BCHE: variants seen among roughly 807,000 people sequenced by gnomAD.
The protein encoded by BCHE is butyrylcholinesterase.
Under a neutral mutation model 51.3 loss-of-function variants are expected in BCHE, and 48 were observed. That is an observed-to-expected ratio of 0.94 (90% CI 0.74 to 1.19). The LOEUF (loss-of-function observed/expected upper bound fraction) is 1.19. BCHE is among the 50% of genes most tolerant of loss of function. The probability of loss-of-function intolerance (pLI) is 0.00; values close to 1 mark genes in which losing one functional copy is unlikely to be tolerated. For synonymous variants in BCHE, 251 were observed against 238.0 expected (o/e 1.05, Z -0.50); for missense variants, 847 against 708.2 (o/e 1.20, Z -2.23).
At chr3:165,798,442 T>C (rs1020114622) in intron 2 of BCHE, among the ~76,000 whole-genome samples, 14 of 152,174 alleles carry the variant, frequency 9.2e-5, no homozygotes, top group Admixed American at 8.5e-4. Flanking sequence ...GACACTGAAC[T>C]GAGCACTTCT....
At chr3:165,792,687 A>G (rs1276972846) in intron 2 of BCHE, among the ~76,000 whole-genome samples, 2 of 152,226 alleles carry the variant, frequency 1.3e-5, no homozygotes, top group African/African-American at 4.8e-5. Context: ...GATTACTAAG[A>G]TAAAATAGAT....
intron 2 of BCHE, among the ~76,000 whole-genome samples, chr3:165,800,900 T>C (rs574608152): frequency 6.0e-4 from 91 of 152,300 alleles, no homozygotes; most frequent in African/African-American, 2.0e-3. Context: ...AATTGATTAA[T>C]AGATATTAAT....
chr3:165,813,055 T>C (rs1434903341), intron 2 of BCHE, among the ~76,000 whole-genome samples: 1 of 82,122 alleles, frequency 1.2e-5, no homozygotes, highest in Non-Finnish European at 3.4e-5. Flanking sequence ...GAGAGTCCTT[T>C]TTTTTCCTAT....
chr3:165,813,887 A>T (rs994148584), intron 2 of BCHE, among the ~76,000 whole-genome samples: 23 of 152,090 alleles, frequency 1.5e-4, no homozygotes, highest in South Asian at 6.2e-4. Context: ...GTAGAGATTT[A>T]AAAAAAGTCT....
intron 1 of BCHE, among the ~76,000 whole-genome samples, chr3:165,831,785 A>G (rs1176246621): frequency 6.6e-6 from 1 of 152,208 alleles, no homozygotes; most frequent in Non-Finnish European, 1.5e-5. Context: ...TAATTTCTCC[A>G]AAATTTAATA....
chr3:165,781,594 G>A (rs543154713), intron 3 of BCHE, among the ~76,000 whole-genome samples: 3 of 149,786 alleles, frequency 2.0e-5, no homozygotes, highest in East Asian at 2.0e-4. Flanking sequence ...CCAGTCGGGG[G>A]TGGAGGGTGA....
At chr3:165,796,801 C>G (rs1240616315) in intron 2 of BCHE, among the ~76,000 whole-genome samples, 4 of 152,116 alleles carry the variant, frequency 2.6e-5, no homozygotes, top group Non-Finnish European at 4.4e-5. Flanking sequence ...GTGCACAGTT[C>G]TCTTTTAGTA....
chr3:165,786,144 C>A lies in BCHE; in HGVS notation c.1684+1G>T, dbSNP rs1057516496. 2 of 1,611,028 alleles carry A rather than the reference C, an allele frequency of 1.2e-6. No individual in the cohort carries two copies. Among genetic ancestry groups the A allele is most frequent in the Non-Finnish European group, 1.7e-6 (2 of 1,177,796 alleles). On this transcript the variant is annotated splice_donor_variant, in intron 3 of 3. Transcript: ENST00000264381. LOFTEE classifies it high-confidence loss of function. Reference sequence around the variant, plus strand: ...TAACCAAACACTAAAAACAGACACACCTGTCATTTCCAAGACTTTTGGAAA... The same window carrying A: ...TAACCAAACACTAAAAACAGACACAACTGTCATTTCCAAGACTTTTGGAAA...
At chr3:165,818,161 T>A (rs1023518449) in intron 2 of BCHE, among the ~76,000 whole-genome samples, 3 of 151,984 alleles carry the variant, frequency 2.0e-5, no homozygotes, top group Non-Finnish European at 4.4e-5. Context: ...ATTGTTATGA[T>A]CAAATTTATT....
intron 2 of BCHE, among the ~76,000 whole-genome samples, chr3:165,807,772 C>G (rs988006069): frequency 2.0e-5 from 3 of 151,946 alleles, no homozygotes; most frequent in Non-Finnish European, 4.4e-5. Flanking sequence ...CTATGTTGGC[C>G]AAGCTGGTGT....
At chr3:165,795,219 G>T (rs189171515) in intron 2 of BCHE, among the ~76,000 whole-genome samples, 2 of 152,098 alleles carry the variant, frequency 1.3e-5, no homozygotes, top group African/African-American at 4.8e-5. Context: ...TTCAAGTGTC[G>T]TGACATAGCA....
At chr3:165,809,601 T>C (rs895204992) in intron 2 of BCHE, among the ~76,000 whole-genome samples, 1 of 152,144 alleles carries the variant, frequency 6.6e-6, no homozygotes, top group Admixed American at 6.5e-5. Flanking sequence ...CACAAATTTA[T>C]CATTTGTATT....
Position 165,830,043 on chromosome 3 carries a change from G to T in BCHE, c.991C>A (p.Pro331Thr). 6.2e-7 allele frequency: 1 copy of T among 1,613,642 alleles called. No individual in the cohort carries two copies. The highest frequency in any genetic ancestry group is 8.5e-7 in the Non-Finnish European group (1 of 1,179,864). The part of the protein sequence containing the change: ...TVDGDFLTDM[P>T]DILLELGQFK... ...TGTCCAAGTTCAAGTAATATGTCTG[G>T]CATGTCAGTGAGAAAATCACCATCC... The change falls in exon 2 of 4, where the codon CCA (proline) becomes ACA (threonine). Residue 331 changes from proline (P) to threonine (T), a missense_variant. By Grantham distance (38) the Pro-to-Thr change is conservative (BLOSUM62 -1). Coordinates refer to ENST00000264381, the MANE Select transcript of BCHE (RefSeq NM_000055.4).
intron 2 of BCHE, among the ~76,000 whole-genome samples, chr3:165,815,983 T>A (rs1278863090): frequency 6.6e-6 from 1 of 151,998 alleles, no homozygotes; most frequent in African/African-American, 2.4e-5. Flanking sequence ...TGCCTATGCC[T>A]TCTTAGAAAA....
chr3:165,826,074 G>C (rs1211967445), intron 2 of BCHE, among the ~76,000 whole-genome samples: 1 of 151,840 alleles, frequency 6.6e-6, no homozygotes, highest in African/African-American at 2.4e-5. Flanking sequence ...CTCAACTAAG[G>C]AAAATAGTTG....
chr3:165,802,722 T>G (rs1467527468), intron 2 of BCHE, among the ~76,000 whole-genome samples: 1 of 151,984 alleles, frequency 6.6e-6, no homozygotes, highest in East Asian at 1.9e-4. Flanking sequence ...AATAAATGAT[T>G]TTTTGTTTTG....
chr3:165,821,044 G>A (rs2108228488), intron 2 of BCHE, among the ~76,000 whole-genome samples: 1 of 142,572 alleles, frequency 7.0e-6, no homozygotes, highest in Non-Finnish European at 1.6e-5. Flanking sequence ...ACTTAAAAAA[G>A]TTAGATAGTC....
chr3:165,794,870 TATAAC>T (rs1321044211), intron 2 of BCHE, among the ~76,000 whole-genome samples: 3 of 152,132 alleles, frequency 2.0e-5, no homozygotes, highest in Admixed American at 6.5e-5. Flanking sequence ...TATTTTATAT[TATAAC>T]ATACAAATGA....
In BCHE at chr3:165,773,357, G is replaced by C; in HGVS notation, c.*25C>G. On this transcript the variant is annotated 3_prime_UTR_variant, in exon 4 of 4. Transcript: ENST00000264381. ...TTTGCCTTGATCTAAAGGAAAATAT[G>C]TTCTATAAAGGGTAAATCTATTAAT... 1 of 1,601,600 alleles carries C rather than the reference G, an allele frequency of 6.2e-7. No individual in the cohort carries two copies.
Sources: allele counts gnomAD v4.1 joint callset (sites outside exome capture counted in the v4.1 genomes callset), GRCh38; gene constraint gnomAD v4.1.1; transcripts MANE v1.5; gene names NCBI Gene and HGNC (gene_info 2026-07-23, HGNC 2026-07-21).